Variants in DOCK6 observed in about 807,000 individuals in gnomAD.
The protein encoded by DOCK6 is dedicator of cytokinesis protein 6.
A neutral mutation model predicts 230.3 loss-of-function variants in DOCK6; 167 were observed. The observed-to-expected ratio is 0.73, with a 90% confidence interval of 0.64 to 0.82. The LOEUF (loss-of-function observed/expected upper bound fraction) is 0.82. Among genes scored for constraint, DOCK6 ranks in the 40% least tolerant of loss-of-function variants. The pLI is 0.00. For missense variants in DOCK6, 2,598 were observed against 2,825.8 expected (o/e 0.92, Z 1.83); for synonymous variants, 1,148 against 1,185.0 (o/e 0.97, Z 0.64).
rs1035639211 is a variant in DOCK6, at chr19:11,245,872, C to T, written c.813G>A (p.Glu271=). The change falls in exon 8 of 48, where the codon GAG becomes GAA. Residue 271 remains glutamate, a synonymous_variant. Coordinates refer to ENST00000294618, the MANE Select transcript of DOCK6 (RefSeq NM_020812.4). ...TCCCAAAGATGGGCTCAATTTCAAT[C>T]TCGAACCTACAAGTAAATGGGAGGG... ...ILVKCLSLKF[E]IEIEPIFGIL... 2 of 1,562,514 alleles carry T rather than the reference C, an allele frequency of 1.3e-6. No homozygotes were observed. Among genetic ancestry groups the T allele is most frequent in the Non-Finnish European group, 1.7e-6 (2 of 1,152,942 alleles).
intron 18 of DOCK6, chr19:11,237,154 T>C: frequency 1.7e-6 from 1 of 589,040 alleles, no homozygotes; most frequent in South Asian, 2.1e-5. Context: ...ATTTGAGGCC[T>C]AGGGTCATTA....
Position 11,237,511 on chromosome 19 carries a change from C to G in DOCK6, c.2018G>C (p.Cys673Ser), listed in dbSNP as rs746351512. ...CGGCTGGTCCACAGACACTGGGAGA[C>G]AGAAGGGGCCGGTCCTCAGGCGCCC... Reference protein sequence around the residue: ...QHGRLRTGPFCLPVSVDQPPP... With the variant: ...QHGRLRTGPFSLPVSVDQPPP... Residue 673 changes from cysteine to serine, a missense_variant, in exon 18 of 48, where the codon TGT becomes TCT. By Grantham distance (112) the Cys-to-Ser change is moderately radical. Coordinates refer to ENST00000294618, the MANE Select transcript of DOCK6 (RefSeq NM_020812.4). 4 of 1,612,272 alleles carry G rather than the reference C, an allele frequency of 2.5e-6. No individual in the cohort carries two copies. In the South Asian group the frequency reaches 3.3e-5, roughly 13 times the overall value.
chr19:11,223,847 A>G (rs1214844317), intron 24 of DOCK6, among the ~76,000 whole-genome samples: 2 of 152,060 alleles, frequency 1.3e-5, no homozygotes, highest in Non-Finnish European at 2.9e-5. Flanking sequence ...GGGTTTTGCC[A>G]TATTGGTCAG....
Position 11,209,904 on chromosome 19 carries a change from CCCT to C in DOCK6, c.4752-804_4752-802del, listed in dbSNP as rs369828807. On this transcript the variant is annotated intron_variant, in intron 37 of 47. Coordinates refer to ENST00000294618, the MANE Select transcript of DOCK6 (RefSeq NM_020812.4). ...CTGTCCACCCCCTCACCTGTCCACC[CCCT>C]CAACTGTCCACCTTCTCACCTGTCT... Among the ~76,000 whole-genome samples, 53 of 133,472 alleles carry C rather than the reference CCCT, an allele frequency of 4.0e-4. 1 individual carries two copies. The highest frequency in any genetic ancestry group is 1.4e-3 in the African/African-American group (50 of 35,186). The allele number at this position is 133,472 out of a possible 152,430, so 87.6% of individuals were successfully genotyped here. A position where few individuals can be genotyped will look rare whatever the true frequency, so the allele number is the denominator to read the frequency against.
At position 11,258,617 on chromosome 19, in the gene DOCK6, G is replaced by A. The variant is rs922231720; in HGVS notation, c.44+3780C>T. Reference sequence around the variant, plus strand: ...CCAGCTAATTTTTGTATTTTTAGTAGAGATGGGGTTTCACCATGTTGGCCA... The same window carrying A: ...CCAGCTAATTTTTGTATTTTTAGTAAAGATGGGGTTTCACCATGTTGGCCA... On this transcript the variant is annotated intron_variant, in intron 1 of 47. Transcript: ENST00000294618. 2.6e-5 allele frequency among the ~76,000 whole-genome samples: 4 copies of A among 151,748 alleles called. No individual in the cohort carries two copies. The East Asian group carries it at 7.8e-4, about 29-fold the overall frequency.
intron 14 of DOCK6, chr19:11,240,080 AG>A: frequency 1.9e-6 from 3 of 1,549,702 alleles, no homozygotes; most frequent in Non-Finnish European, 2.6e-6. Flanking sequence ...GCAAGTCCTT[AG>A]GTACACAAAG....
At chr19:11,237,236 G>A in intron 18 of DOCK6, 1 of 613,798 alleles carries the variant, frequency 1.6e-6, no homozygotes. Flanking sequence ...GGCAGTCAGG[G>A]TGGCTAAAGT....
In DOCK6 at chr19:11,200,775, G is replaced by T. The variant is rs2079156133; in HGVS notation, c.5880C>A (p.Asp1960Glu). The T allele has an allele frequency of 6.2e-7, 1 of 1,613,492 alleles. No homozygotes were observed. Among genetic ancestry groups the T allele is most frequent in the African/African-American group, 1.3e-5 (1 of 74,924 alleles). The change falls in exon 46 of 48, where the codon GAC (aspartate) becomes GAA (glutamate). Residue 1960 changes from aspartate (D) to glutamate (E), a missense_variant. By Grantham distance (45) the Asp-to-Glu change is conservative. Transcript: ENST00000294618. This position sits in a 1 kb window ranked among gnomAD's most constrained non-coding sequence, Gnocchi z 4.3. ...AQVFLAEIPE[D>E]PKLFRHHNKL... ...TGTTGTGATGCCGGAAGAGCTTGGG[G>T]TCTTCCGGGATCTCTGCTAAAAACA...
At chr19:11,237,926 T>C in intron 16 of DOCK6, 119 bp downstream of exon 16, 6 of 1,423,566 alleles carry the variant, frequency 4.2e-6, no homozygotes, top group Non-Finnish European at 5.8e-6. Context: ...TCTGGGAGCC[T>C]CTACCTCTCT....
intron 9 of DOCK6, among the ~76,000 whole-genome samples, chr19:11,244,451 CTTTTTTTTTTT>C (rs56722117): frequency 1.2e-4 from 5 of 40,244 alleles, no homozygotes; most frequent in South Asian, 1.3e-3. Context: ...CCACACCTGG[CTTTTTTTTTTT>C]TTTTTTTTTT....
chr19:11,219,370 A>G (rs1482392820), intron 28 of DOCK6, among the ~76,000 whole-genome samples: 1 of 144,468 alleles, frequency 6.9e-6, no homozygotes, highest in African/African-American at 2.6e-5. Flanking sequence ...TTGTATTTTT[A>G]GTAGAGACTG....
chr19:11,240,429 C>T (rs746403884), intron 14 of DOCK6: 1 of 932,990 alleles, frequency 1.1e-6, no homozygotes, highest in Non-Finnish European at 1.5e-6. Context: ...TGTCCCCAGA[C>T]AAAACTCAAG....
At chr19:11,254,227 A>G (rs1190089288) in intron 1 of DOCK6, among the ~76,000 whole-genome samples, 1 of 152,238 alleles carries the variant, frequency 6.6e-6, no homozygotes, top group African/African-American at 2.4e-5. Context: ...TGCTGGGCAG[A>G]GCGGAGCCTG....
At chr19:11,245,314 G>C (rs2080014942) in intron 9 of DOCK6, among the ~76,000 whole-genome samples, 1 of 152,114 alleles carries the variant, frequency 6.6e-6, no homozygotes, top group African/African-American at 2.4e-5. Context: ...CCTGTCACAT[G>C]TGCCTAGGGA....
At position 11,237,498 on chromosome 19, in the gene DOCK6, AG is replaced by A; in HGVS notation, c.2030del (p.Ser677LeufsTer72). 1 of 1,613,420 alleles carries A rather than the reference AG, an allele frequency of 6.2e-7. No homozygotes were observed. The highest frequency in any genetic ancestry group is 1.7e-5 in the Admixed American group (1 of 59,988). On this transcript the variant is annotated frameshift_variant, in exon 18 of 48. Transcript: ENST00000294618. LOFTEE classifies it high-confidence loss of function. ...AATAGCTGGGCGGCGGCTGGTCCAC[AG>A]ACACTGGGAGACAGAAGGGGCCGGT... ...LRTGPFCLPV[S>X]VDQPPPSYSV...
intron 39 of DOCK6, among the ~76,000 whole-genome samples, chr19:11,206,699 T>G (rs948430813): frequency 6.6e-6 from 1 of 151,960 alleles, no homozygotes; most frequent in Non-Finnish European, 1.5e-5. Flanking sequence ...CATCTAAATA[T>G]AGAGTGCAAT....
chr19:11,234,157 G>A (rs1035809805), intron 21 of DOCK6, among the ~76,000 whole-genome samples: 19 of 152,180 alleles, frequency 1.2e-4, no homozygotes, highest in African/African-American at 4.6e-4. Flanking sequence ...GAGCCACCAT[G>A]CCCAGCTAAT....
At chr19:11,215,716 G>C (rs2079474398) in intron 31 of DOCK6, 85 bp downstream of exon 31, 2 of 1,596,576 alleles carry the variant, frequency 1.3e-6, no homozygotes, top group African/African-American at 1.3e-5. Flanking sequence ...AAGTAAGCTA[G>C]GGATGGCCCC....
chr19:11,217,748 A>G (rs1389464685), intron 28 of DOCK6, among the ~76,000 whole-genome samples: 10 of 134,392 alleles, frequency 7.4e-5, no homozygotes, highest in Admixed American at 6.2e-4. Flanking sequence ...ACAGAGCGAC[A>G]CTCTGTCTCA....
Sources: allele counts gnomAD v4.1 joint callset (sites outside exome capture counted in the v4.1 genomes callset), GRCh38; gene constraint gnomAD v4.1.1; non-coding constraint Gnocchi (gnomAD v3.1); transcripts MANE v1.5; gene names NCBI Gene and HGNC (gene_info 2026-07-23, HGNC 2026-07-21).